Variants in ZBTB6 observed in about 807,000 individuals in gnomAD.
ZBTB6 encodes the protein zinc finger and BTB domain containing 6, also known as zinc finger and BTB domain-containing protein 6.
A neutral mutation model predicts 30.6 loss-of-function variants in ZBTB6; 11 were observed. That is an observed-to-expected ratio of 0.36 (90% CI 0.23 to 0.60). The LOEUF (loss-of-function observed/expected upper bound fraction) is 0.60, where lower values mean the gene tolerates loss of function less well. Ranked by LOEUF, ZBTB6 falls within the 20% of genes least tolerant of loss-of-function variation. ZBTB6 has a pLI of 0.75. For synonymous variants in ZBTB6, 174 were observed against 172.0 expected (o/e 1.01, Z -0.09); for missense variants, 380 against 489.4 (o/e 0.78, Z 2.11).
At chr9:122,912,820 C>G (rs545930150) in intron 1 of ZBTB6, among the ~76,000 whole-genome samples, 1 of 152,270 alleles carries the variant, frequency 6.6e-6, no homozygotes, top group Admixed American at 6.5e-5. Context: ...TCCATCATTA[C>G]CCAGACAAAA....
In ZBTB6 at chr9:122,910,843, A is replaced by C. The variant is rs754910300; in HGVS notation, c.1230T>G (p.Gly410=). ...HLTSVHGRSS[G]EKLSRPDLKR... ...TGAGATCAGGCCTAGATAGTTTTTC[A>C]CCACTGCTTCTGCCATGGACAGAGG... The change falls in exon 2 of 2, where the codon GGT becomes GGG. Residue 410 remains glycine, a synonymous_variant. Coordinates refer to ENST00000373659, the MANE Select transcript of ZBTB6 (RefSeq NM_006626.6). 2.5e-6 allele frequency: 4 copies of C among 1,613,982 alleles called. No individual in the cohort carries two copies. The South Asian group carries it at 4.4e-5, about 18-fold the overall frequency.
rs1226962521 is a variant in ZBTB6 at position 122,909,735 on chromosome 9, TG to T, written c.*1062del. 1 of 152,118 alleles carries T rather than the reference TG, an allele frequency of 6.6e-6. No individual in the cohort carries two copies. The highest frequency in any genetic ancestry group is 1.5e-5 in the Non-Finnish European group (1 of 68,026). The allele number at this position is 152,118 out of a possible 1,614,324, so 9.4% of individuals were successfully genotyped here. A position where few individuals can be genotyped will look rare whatever the true frequency, so the allele number is the denominator to read the frequency against. On this transcript the variant is annotated 3_prime_UTR_variant, in exon 2 of 2. Transcript: ENST00000373659. ...TGAACCTCAAAGTCATTATGCTGGGTGAAAAAGCATTTCAAGAGGGAACGTA... is the reference window on the plus strand; with the variant it reads ...TGAACCTCAAAGTCATTATGCTGGGTAAAAAGCATTTCAAGAGGGAACGTA...
At position 122,909,771 on chromosome 9, in the gene ZBTB6, T is replaced by A. The variant is rs1832935188; in HGVS notation, c.*1027A>T. On this transcript the variant is annotated 3_prime_UTR_variant, in exon 2 of 2. Coordinates refer to ENST00000373659, the MANE Select transcript of ZBTB6 (RefSeq NM_006626.6). The stretch of plus-strand genomic sequence containing the variant: ...TTCAAGAGGGAACGTACTATAAGAT[T>A]CTGTTTATATGACAGTCCAGAAAAG... 1 of 152,214 alleles carries A rather than the reference T, an allele frequency of 6.6e-6. No individual in the cohort carries two copies. Among genetic ancestry groups the A allele is most frequent in the Non-Finnish European group, 1.5e-5 (1 of 68,046 alleles). The allele number at this position is 152,214 out of a possible 1,614,324, so 9.4% of individuals were successfully genotyped here. A position where few individuals can be genotyped will look rare whatever the true frequency, so the allele number is the denominator to read the frequency against.
chr9:122,912,987 C>A (rs1832968874), intron 1 of ZBTB6, among the ~76,000 whole-genome samples: 1 of 152,216 alleles, frequency 6.6e-6, no homozygotes, highest in Non-Finnish European at 1.5e-5. Context: ...CGAGATGGTG[C>A]CTGATGCATC....
At chr9:122,912,725 C>A (rs1272068361) in intron 1 of ZBTB6, among the ~76,000 whole-genome samples, 1 of 152,228 alleles carries the variant, frequency 6.6e-6, no homozygotes, top group East Asian at 1.9e-4. Context: ...CGAGACCCAT[C>A]ACGATTTGGC....
chr9:122,912,158 C>G lies in ZBTB6; in HGVS notation c.-9-77G>C, dbSNP rs138371308. ...CCCATGCTGTAATGGTGAAAACAAA[C>G]GAAAAACCCCAAACCTGAATTAGGA... is the stretch of plus-strand genomic sequence containing the variant. On this transcript the variant is annotated intron_variant, in intron 1 of 1. Coordinates refer to ENST00000373659, the MANE Select transcript of ZBTB6 (RefSeq NM_006626.6). The G allele has an allele frequency of 2.9e-6, 4 of 1,396,732 alleles. No homozygotes were observed. In the Admixed American group the frequency reaches 7.0e-5, roughly 24 times the overall value. 86.5% of individuals were successfully genotyped at this position (1,396,732 alleles called of 1,614,324 possible).
Position 122,913,173 on chromosome 9 carries a change from G to A in ZBTB6, c.-10+78C>T, listed in dbSNP as rs200914319. On this transcript the variant is annotated intron_variant, in intron 1 of 1. Coordinates refer to ENST00000373659, the MANE Select transcript of ZBTB6 (RefSeq NM_006626.6). The stretch of plus-strand genomic sequence containing the variant: ...GCACAAGATTAGCCACTCCGGGGCC[G>A]AGCCCAGCTGTCCTCCTCCTCCTCC... The A allele has an allele frequency of 9.1e-6, 8 of 875,808 alleles. No individual in the cohort carries two copies. The African/African-American group carries it at 1.3e-4, about 14-fold the overall frequency. 54.3% of individuals were successfully genotyped at this position (875,808 alleles called of 1,614,324 possible).
chr9:122,911,715 T>A lies in ZBTB6; in HGVS notation c.358A>T (p.Thr120Ser). The A allele has an allele frequency of 1.2e-6, 2 of 1,614,144 alleles. No individual in the cohort carries two copies. Among genetic ancestry groups the A allele is most frequent in the Admixed American group, 1.7e-5 (1 of 60,018 alleles). ...TCCAGATACTTTGACAAAGCTTCTG[T>A]GCACTTTTCCACAATGTGAACCATC... ...LQMVHIVEKCTEALSKYLEID... is the reference protein window; with the variant it reads ...LQMVHIVEKCSEALSKYLEID... Residue 120 changes from threonine (T) to serine (S), a missense_variant, in exon 2 of 2, where the codon ACA (threonine) becomes TCA (serine). Coordinates refer to ENST00000373659, the MANE Select transcript of ZBTB6 (RefSeq NM_006626.6). The surrounding 1 kb of genome is among the most constrained non-coding windows in gnomAD (Gnocchi z 4.5).
rs1187940955 is a variant in ZBTB6, at chr9:122,908,315, C to A, written c.*2483G>T. The A allele has an allele frequency of 6.6e-6, 1 of 152,236 alleles. No homozygotes were observed. The highest frequency in any genetic ancestry group is 1.5e-5 in the Non-Finnish European group (1 of 67,996). 9.4% of individuals were successfully genotyped at this position (152,236 alleles called of 1,614,324 possible). On this transcript the variant is annotated 3_prime_UTR_variant, in exon 2 of 2. Transcript: ENST00000373659. ...ATACCTGAACTTTAAAAAAAGATTCCATTTTCCTGAAAATTTTTAGACATA... is the reference window on the plus strand; with the variant it reads ...ATACCTGAACTTTAAAAAAAGATTCAATTTTCCTGAAAATTTTTAGACATA...
rs1355017544 is a variant in ZBTB6 at position 122,911,165 on chromosome 9, C to A, written c.908G>T (p.Cys303Phe). The change falls in exon 2 of 2, where the codon TGC (cysteine) becomes TTC (phenylalanine). Residue 303 changes from cysteine to phenylalanine, a missense_variant. Physicochemically the swap from Cys to Phe is radical, Grantham distance 205. Transcript: ENST00000373659. This position sits in a 1 kb window ranked among gnomAD's most constrained non-coding sequence, Gnocchi z 4.5. ...LEEGYSLRHQ[C>F]PRCPRGFLHV... is the part of the protein sequence containing the mutation. ...AAGAAAGCCTCGAGGACACCTGGGG[C>A]ACTGGTGCCTCAGTGAATAACCTTC... The A allele has an allele frequency of 6.2e-7, 1 of 1,614,052 alleles. No homozygotes were observed. Among genetic ancestry groups the A allele is most frequent in the African/African-American group, 1.3e-5 (1 of 74,914 alleles).
At position 122,908,254 on chromosome 9, in the gene ZBTB6, G is replaced by A. The variant is rs1832921112; in HGVS notation, c.*2544C>T. On this transcript the variant is annotated 3_prime_UTR_variant, in exon 2 of 2. Coordinates refer to ENST00000373659, the MANE Select transcript of ZBTB6 (RefSeq NM_006626.6). Reference sequence around the variant, plus strand: ...GTCATATCAGAAACATAAACTAAATGTGAATATGTTAAATGAATAAATTCT... The same window carrying A: ...GTCATATCAGAAACATAAACTAAATATGAATATGTTAAATGAATAAATTCT... The A allele has an allele frequency of 6.6e-6, 1 of 152,130 alleles. No homozygotes were observed. Among genetic ancestry groups the A allele is most frequent in the South Asian group, 2.1e-4 (1 of 4,828 alleles). 9.4% of individuals were successfully genotyped at this position (152,130 alleles called of 1,614,324 possible).
At chr9:122,913,084 A>G (rs1832969944) in intron 1 of ZBTB6, among the ~76,000 whole-genome samples, 167 bp downstream of exon 1, 1 of 152,240 alleles carries the variant, frequency 6.6e-6, no homozygotes, top group Non-Finnish European at 1.5e-5. Context: ...TGCCAGGTTC[A>G]GCACACAGGT....
In ZBTB6 at chr9:122,910,340, A is replaced by G. The variant is rs1036895005; in HGVS notation, c.*458T>C. On this transcript the variant is annotated 3_prime_UTR_variant, in exon 2 of 2. Coordinates refer to ENST00000373659, the MANE Select transcript of ZBTB6 (RefSeq NM_006626.6). Reference sequence around the variant, plus strand: ...AAGAACAGCTGGTAAAAAGTTAAAAAAAAATTTTTTTAGTGCCATCTGTTC... The same window carrying G: ...AAGAACAGCTGGTAAAAAGTTAAAAGAAAATTTTTTTAGTGCCATCTGTTC... 1 of 152,584 alleles carries G rather than the reference A, an allele frequency of 6.6e-6. No homozygotes were observed. Among genetic ancestry groups the G allele is most frequent in the Non-Finnish European group, 1.5e-5 (1 of 68,318 alleles). 9.5% of individuals were successfully genotyped at this position (152,584 alleles called of 1,614,324 possible).
chr9:122,912,225 A>C (rs1428788965), intron 1 of ZBTB6, 144 bp from the exon 2 acceptor site: 1 of 770,888 alleles, frequency 1.3e-6, no homozygotes, highest in Non-Finnish European at 2.1e-6. Context: ...ATGAACCTTT[A>C]TGCCACCATC....
chr9:122,908,774 C>T lies in ZBTB6; in HGVS notation c.*2024G>A, dbSNP rs1832926283. 1 of 152,110 alleles carries T rather than the reference C, an allele frequency of 6.6e-6. No individual in the cohort carries two copies. Among genetic ancestry groups the T allele is most frequent in the Non-Finnish European group, 1.5e-5 (1 of 68,004 alleles). 9.4% of individuals were successfully genotyped at this position (152,110 alleles called of 1,614,324 possible). A position where few individuals can be genotyped will look rare whatever the true frequency, so the allele number is the denominator to read the frequency against. On this transcript the variant is annotated 3_prime_UTR_variant, in exon 2 of 2. Transcript: ENST00000373659. Reference sequence around the variant, plus strand: ...CAATGAACTATGAATGAAAAATTAGCAATGAGCTATCACACTTTCCAGTGG... The same window carrying T: ...CAATGAACTATGAATGAAAAATTAGTAATGAGCTATCACACTTTCCAGTGG...
In ZBTB6 at chr9:122,911,775, G is replaced by C; in HGVS notation, c.298C>G (p.Leu100Val). Residue 100 changes from leucine (L) to valine (V), a missense_variant, in exon 2 of 2, where the codon CTT becomes GTT. Transcript: ENST00000373659. This position sits in a 1 kb window ranked among gnomAD's most constrained non-coding sequence, Gnocchi z 4.5. The stretch of plus-strand genomic sequence containing the variant: ...CTGGCAGCAGTCAAGTATTTCAAAA[G>C]CTCTTTCCTTTTAACTTCAAGTGCT... ...TGALEVKRKE[L>V]LKYLTAASYL... 1 of 1,614,196 alleles carries C rather than the reference G, an allele frequency of 6.2e-7. No homozygotes were observed. The highest frequency in any genetic ancestry group is 8.5e-7 in the Non-Finnish European group (1 of 1,180,042).
At chr9:122,912,555 T>G (rs887782883) in intron 1 of ZBTB6, among the ~76,000 whole-genome samples, 1 of 152,188 alleles carries the variant, frequency 6.6e-6, no homozygotes, top group African/African-American at 2.4e-5. Flanking sequence ...CCAACAGGTC[T>G]TCTTTATACC....
In ZBTB6 at chr9:122,910,542, G is replaced by C; in HGVS notation, c.*256C>G. 2.7e-6 allele frequency: 1 copy of C among 367,508 alleles called. No individual in the cohort carries two copies. The highest frequency in any genetic ancestry group is 4.9e-6 in the Non-Finnish European group (1 of 202,522). The allele number at this position is 367,508 out of a possible 1,614,324, so 22.8% of individuals were successfully genotyped here. ...TGTCACTAGAATCAAGAATATATAAGAGAGGAACACTATTTCTCTAGGGAT... is the reference window on the plus strand; with the variant it reads ...TGTCACTAGAATCAAGAATATATAACAGAGGAACACTATTTCTCTAGGGAT... On this transcript the variant is annotated 3_prime_UTR_variant, in exon 2 of 2. Coordinates refer to ENST00000373659, the MANE Select transcript of ZBTB6 (RefSeq NM_006626.6).
intron 1 of ZBTB6, 143 bp from the exon 2 acceptor site, chr9:122,912,224 T>C (rs1832960649): frequency 3.9e-6 from 3 of 769,138 alleles, no homozygotes; most frequent in Admixed American, 3.1e-5. Context: ...TATGAACCTT[T>C]ATGCCACCAT....
Sources: allele counts gnomAD v4.1 joint callset (sites outside exome capture counted in the v4.1 genomes callset), GRCh38; gene constraint gnomAD v4.1.1; non-coding constraint Gnocchi (gnomAD v3.1); transcripts MANE v1.5; gene names NCBI Gene and HGNC (gene_info 2026-07-23, HGNC 2026-07-21).